The following ENTPD1 variants were observed in gnomAD, a reference collection of about 807,000 sequenced individuals.
ENTPD1 encodes the protein ectonucleoside triphosphate diphosphohydrolase 1.
In ENTPD1, 33 loss-of-function variants were observed where a neutral mutation model predicts 57.0. The observed-to-expected ratio is 0.58, with a 90% confidence interval of 0.44 to 0.77. The LOEUF is 0.77. Among genes scored for constraint, ENTPD1 ranks in the 30% least tolerant of loss-of-function variants. ENTPD1 has a pLI of 0.00. For missense variants in ENTPD1, 501 were observed against 603.4 expected, an observed-to-expected ratio of 0.83 and a Z score of 1.78; for synonymous variants, 202 against 218.8, an observed-to-expected ratio of 0.92 and a Z score of 0.68.
chr10:95,842,409 G>A lies in ENTPD1; in HGVS notation c.328G>A (p.Glu110Lys), dbSNP rs202141391. The change falls in exon 4 of 10, where the codon GAA (glutamate) becomes AAA (lysine). Residue 110 changes from glutamate (E) to lysine (K), a missense_variant. Physicochemically the swap from Glu to Lys is moderately conservative, Grantham distance 56 (BLOSUM62 1). Transcript: ENST00000371205. Reference sequence around the variant, plus strand: ...AGGCATTTACCTGACTGATTGCATGGAAAGAGCTAGGGAAGTGATTCCAAG... The same window carrying A: ...AGGCATTTACCTGACTGATTGCATGAAAAGAGCTAGGGAAGTGATTCCAAG... ...EIGIYLTDCM[E>K]RAREVIPRSQ... 5 of 1,614,056 alleles carry A rather than the reference G, an allele frequency of 3.1e-6. No individual in the cohort carries two copies. In the Admixed American group the frequency reaches 6.7e-5, roughly 22 times the overall value.
At chr10:95,699,192 T>A in the ENTPD1 span, among the ~76,000 whole-genome samples, 3 of 151,036 alleles carry the variant, frequency 2.0e-5, no homozygotes, top group Non-Finnish European at 2.9e-5. Flanking sequence ...GAAAAAAAAA[T>A]TTAAAAAGGA....
At chr10:95,801,258 C>T (rs1401510439) in intron 1 of ENTPD1, among the ~76,000 whole-genome samples, 2 of 152,162 alleles carry the variant, frequency 1.3e-5, no homozygotes, top group African/African-American at 4.8e-5. Flanking sequence ...GTGTCTTCCT[C>T]ATGAAATCTT....
intron 6 of ENTPD1, among the ~76,000 whole-genome samples, chr10:95,846,603 G>A (rs996149347): frequency 4.6e-5 from 7 of 152,114 alleles, no homozygotes; most frequent in African/African-American, 1.4e-4. Flanking sequence ...AGTAGGGGGC[G>A]CTGAGAGACA....
At chr10:95,847,048 T>A (rs558157957) in intron 6 of ENTPD1, among the ~76,000 whole-genome samples, 93 of 152,264 alleles carry the variant, frequency 6.1e-4, no homozygotes, top group Middle Eastern at 6.8e-3. Context: ...AAAATTTTTT[T>A]AATAATTTTT....
At chr10:95,809,443 C>T (rs562838662) in intron 1 of ENTPD1, among the ~76,000 whole-genome samples, 1,578 of 129,762 alleles carry the variant, frequency 0.012, 12 homozygotes, top group Middle Eastern at 0.062. Context: ...CCAGACGGGG[C>T]GGCCGGGCAG....
Position 95,871,805 on chromosome 10 carries a change from T to C in ENTPD1, c.*5422T>C. 1 of 985,442 alleles carries C rather than the reference T, an allele frequency of 1.0e-6. No individual in the cohort carries two copies. The highest frequency in any genetic ancestry group is 1.2e-6 in the Non-Finnish European group (1 of 829,924). 61.0% of individuals were successfully genotyped at this position (985,442 alleles called of 1,614,324 possible). On this transcript the variant is annotated 3_prime_UTR_variant, in exon 10 of 10. Coordinates refer to ENST00000371205, the MANE Select transcript of ENTPD1 (RefSeq NM_001776.6). ...TTTGCATGTATGTTGAATAGCAAAGTTCATCAGAGAACATGTATTAGTCAA... is the reference window on the plus strand; with the variant it reads ...TTTGCATGTATGTTGAATAGCAAAGCTCATCAGAGAACATGTATTAGTCAA...
intron 1 of ENTPD1, among the ~76,000 whole-genome samples, chr10:95,769,909 C>A (rs187832018): frequency 8.5e-5 from 13 of 152,186 alleles, no homozygotes; most frequent in Middle Eastern, 3.4e-3. Flanking sequence ...GATGAGAAGA[C>A]TGTAGGAGGA....
intron 7 of ENTPD1, among the ~76,000 whole-genome samples, chr10:95,851,150 G>T (rs1368206463): frequency 6.6e-6 from 1 of 151,720 alleles, no homozygotes; most frequent in Non-Finnish European, 1.5e-5. Context: ...AATAAGAAAG[G>T]GAAGAAACAA....
intron 1 of ENTPD1, among the ~76,000 whole-genome samples, chr10:95,818,023 T>C (rs2098335939): frequency 6.6e-6 from 1 of 152,158 alleles, no homozygotes; most frequent in South Asian, 2.1e-4. Flanking sequence ...TCAAGCTATA[T>C]CTAGAGGTAG....
the ENTPD1 span, among the ~76,000 whole-genome samples, chr10:95,701,218 A>C: frequency 1.3e-5 from 2 of 152,204 alleles, no homozygotes; most frequent in African/African-American, 4.8e-5. Context: ...CTACTCAGGA[A>C]GGGAAGTTGA....
At chr10:95,842,278 A>G in intron 3 of ENTPD1, 66 bp from the exon 4 acceptor site, 1 of 1,407,842 alleles carries the variant, frequency 7.1e-7, no homozygotes, top group Non-Finnish European at 1.0e-6. Flanking sequence ...ATTTTGATCT[A>G]CTATTGTCAA....
At chr10:95,764,682 C>CT (rs2098081016) in intron 1 of ENTPD1, among the ~76,000 whole-genome samples, 1 of 139,490 alleles carries the variant, frequency 7.2e-6, no homozygotes, top group African/African-American at 2.7e-5. Context: ...ATTTGTGGAT[C>CT]TTTTTTGGAA....
At chr10:95,695,699 A>G in the ENTPD1 span, among the ~76,000 whole-genome samples, 12 of 152,218 alleles carry the variant, frequency 7.9e-5, no homozygotes, top group South Asian at 2.1e-4. Context: ...TATTCAGATT[A>G]TATGATCATA....
rs1436381202 is a variant in ENTPD1 at position 95,846,999 on chromosome 10, A to AAT, written c.814-447_814-446insAT. On this transcript the variant is annotated intron_variant, in intron 6 of 9. Transcript: ENST00000371205. ...GCAAGACTCCATCTCAAAAAAAAAA[A>AAT]TTATTTTTCTTGGATAGGAGAATGC... Among the ~76,000 whole-genome samples the AAT allele has an allele frequency of 8.5e-4, 129 of 151,838 alleles. 1 individual carries two copies. Among genetic ancestry groups the AAT allele is most frequent in the African/African-American group, 3.0e-3 (124 of 41,400 alleles).
chr10:95,809,911 GCAGC>G (rs2098295563), intron 1 of ENTPD1, among the ~76,000 whole-genome samples: 1 of 148,106 alleles, frequency 6.8e-6, no homozygotes, highest in South Asian at 2.3e-4. Context: ...CCCAGACGGG[GCAGC>G]TGCCGGGCAG....
chr10:95,828,587 G>A (rs1266856978), intron 2 of ENTPD1, among the ~76,000 whole-genome samples: 5 of 152,104 alleles, frequency 3.3e-5, no homozygotes, highest in Non-Finnish European at 5.9e-5. Context: ...GGTGAATAGG[G>A]AAAGAATTCC....
intron 1 of ENTPD1, among the ~76,000 whole-genome samples, chr10:95,739,130 CCTT>C (rs2097997626): frequency 6.6e-6 from 1 of 152,186 alleles, no homozygotes. Context: ...ATCATCTAAA[CCTT>C]CTGTGAGTTG....
intron 1 of ENTPD1, among the ~76,000 whole-genome samples, chr10:95,799,906 G>T (rs2098241816): frequency 6.6e-6 from 1 of 152,088 alleles, no homozygotes; most frequent in African/African-American, 2.4e-5. Flanking sequence ...TTTTTTATAT[G>T]ATTGTTGGCC....
At chr10:95,818,945 T>C (rs2098339158) in intron 1 of ENTPD1, among the ~76,000 whole-genome samples, 1 of 152,236 alleles carries the variant, frequency 6.6e-6, no homozygotes, top group African/African-American at 2.4e-5. Flanking sequence ...TTAGTCCAGA[T>C]GTGACTCATA....
Sources: gnomAD v4.1 joint callset for allele counts (sites outside exome capture counted in the v4.1 genomes callset) on GRCh38, gnomAD v4.1.1 for gene constraint, MANE v1.5 for transcripts, NCBI Gene and HGNC (gene_info 2026-07-23, HGNC 2026-07-21) for gene names.